Variants in DHODH observed in about 807,000 individuals in gnomAD.
The protein encoded by DHODH is dihydroorotate dehydrogenase (quinone), mitochondrial.
Under a neutral mutation model 39.7 loss-of-function variants are expected in DHODH, and 30 were observed. That is an observed-to-expected ratio of 0.76 (90% CI 0.57 to 1.02). The LOEUF is 1.02. Among genes scored for constraint, DHODH ranks in the 50% least tolerant of loss-of-function variants. DHODH has a pLI of 0.00. For missense variants in DHODH, 531 were observed against 520.8 expected (o/e 1.02, Z -0.19); for synonymous variants, 222 against 213.8 (o/e 1.04, Z -0.34).
Position 72,023,499 on chromosome 16 carries a change from T to C in DHODH, c.999T>C (p.Gly333=). 1 of 1,614,000 alleles carries C rather than the reference T, an allele frequency of 6.2e-7. No homozygotes were observed. The highest frequency in any genetic ancestry group is 8.5e-7 in the Non-Finnish European group (1 of 1,180,008). ...GCCGAGTTCCCATAATTGGGGTTGGTGGTGTGAGCAGCGGGCAGGACGCGC... is the reference window on the plus strand; with the variant it reads ...GCCGAGTTCCCATAATTGGGGTTGGCGGTGTGAGCAGCGGGCAGGACGCGC... ...TQGRVPIIGV[G]GVSSGQDALE... The change falls in exon 8 of 9, where the codon GGT becomes GGC. Residue 333 remains glycine (G), a synonymous_variant. Transcript: ENST00000219240.
intron 3 of DHODH, 79 bp from the exon 4 acceptor site, chr16:72,016,945 T>A (rs1202726269): frequency 1.5e-6 from 2 of 1,359,768 alleles, no homozygotes. Context: ...TTTTCTCTTG[T>A]TTGAAAAAGT....
intron 3 of DHODH, 58 bp from the exon 4 acceptor site, chr16:72,016,966 T>C (rs2041148124): frequency 2.0e-6 from 3 of 1,490,966 alleles, no homozygotes; most frequent in Non-Finnish European, 2.8e-6. Flanking sequence ...CCTAAGTGTA[T>C]GGGAAGTGGC....
chr16:72,020,997 G>A (rs1306067660), intron 4 of DHODH, 127 bp from the exon 5 acceptor site: 1 of 953,280 alleles, frequency 1.0e-6, no homozygotes, highest in African/African-American at 1.6e-5. Flanking sequence ...GTCAGCCGGT[G>A]TCGGGCAGGT....
chr16:72,023,102 G>A, intron 6 of DHODH, 63 bp from the exon 7 acceptor site: 1 of 1,596,244 alleles, frequency 6.3e-7, no homozygotes, highest in Non-Finnish European at 8.6e-7. Flanking sequence ...TCGACCTCCA[G>A]AGAAGCGCCT....
Position 72,023,215 on chromosome 16 carries a change from G to A in DHODH, c.870G>A (p.Ala290=), listed in dbSNP as rs760876164. Residue 290 remains alanine, a synonymous_variant, in exon 7 of 9, where the codon GCG becomes GCA. Coordinates refer to ENST00000219240, the MANE Select transcript of DHODH (RefSeq NM_001361.5). ...CGAACACCACCGTGAGTCGCCCTGC[G>A]GGCCTCCAGGGTGCCCTGCGCTCTG... ...IVTNTTVSRP[A]GLQGALRSET... 4.3e-6 allele frequency: 7 copies of A among 1,614,072 alleles called. No homozygotes were observed. The highest frequency in any genetic ancestry group is 1.6e-4 in the Middle Eastern group (1 of 6,084).
chr16:72,017,799 C>T (rs980297215), intron 4 of DHODH, among the ~76,000 whole-genome samples: 3 of 49,620 alleles, frequency 6.0e-5, no homozygotes, highest in Admixed American at 4.7e-4. Flanking sequence ...GAGACGGAGT[C>T]TCGCTCTGTC....
intron 7 of DHODH, 33 bp downstream of exon 7, chr16:72,023,351 G>C (rs1567574411): frequency 6.2e-6 from 10 of 1,614,072 alleles, no homozygotes; most frequent in Non-Finnish European, 7.6e-6. Context: ...CTTCAGATCT[G>C]CGTGTGGCTT....
At chr16:72,011,350 A>T (rs1418820614) in intron 1 of DHODH, among the ~76,000 whole-genome samples, 1 of 152,136 alleles carries the variant, frequency 6.6e-6, no homozygotes, top group African/African-American at 2.4e-5. Flanking sequence ...TGTGAAAACC[A>T]TGTAGAGGCT....
chr16:72,024,287 A>G lies in DHODH; in HGVS notation c.*88A>G. The G allele has an allele frequency of 7.1e-7, 1 of 1,417,426 alleles. No individual in the cohort carries two copies. Among genetic ancestry groups the G allele is most frequent in the South Asian group, 1.2e-5 (1 of 86,172 alleles). 87.8% of individuals were successfully genotyped at this position (1,417,426 alleles called of 1,614,324 possible). The stretch of plus-strand genomic sequence containing the variant: ...GCTGGATCATGAGAGGAGGGACTCC[A>G]TCTTGAGCCATGTCCCCCAGCCATG... On this transcript the variant is annotated 3_prime_UTR_variant, in exon 9 of 9. Coordinates refer to ENST00000219240, the MANE Select transcript of DHODH (RefSeq NM_001361.5).
Position 72,017,155 on chromosome 16 carries a change from C to T in DHODH, c.517+49C>T, listed in dbSNP as rs756481145. The T allele has an allele frequency of 8.2e-5, 128 of 1,565,764 alleles. 1 individual carries two copies. The highest frequency in any genetic ancestry group is 5.0e-5 in the Admixed American group (3 of 59,824). ...GCCTTTCTTATTTATTAGGAGGAAA[C>T]GTGGGAGAAATGCTGGGAACATTTC... On this transcript the variant is annotated intron_variant, in intron 4 of 8. Coordinates refer to ENST00000219240, the MANE Select transcript of DHODH (RefSeq NM_001361.5).
At chr16:72,014,984 G>A (rs1266199992) in intron 3 of DHODH, among the ~76,000 whole-genome samples, 1 of 152,172 alleles carries the variant, frequency 6.6e-6, no homozygotes, top group Non-Finnish European at 1.5e-5. Context: ...GAGAGTTTGT[G>A]CTCTGTCCAT....
At chr16:72,019,268 C>T (rs1021528023) in intron 4 of DHODH, among the ~76,000 whole-genome samples, 2 of 152,152 alleles carry the variant, frequency 1.3e-5, no homozygotes, top group African/African-American at 2.4e-5. Context: ...TAATTGGGTT[C>T]TGATCCCCTC....
chr16:72,025,085 A>C lies in DHODH; in HGVS notation c.*886A>C, dbSNP rs2041264853. On this transcript the variant is annotated 3_prime_UTR_variant, in exon 9 of 9. Transcript: ENST00000219240. Reference sequence around the variant, plus strand: ...CTGAGTCATTGGTGCCTTATTCTTCAGTGTTTCAGTCTGTATCTCCTAAGC... The same window carrying C: ...CTGAGTCATTGGTGCCTTATTCTTCCGTGTTTCAGTCTGTATCTCCTAAGC... The C allele has an allele frequency of 6.6e-6, 1 of 152,218 alleles. No individual in the cohort carries two copies. The highest frequency in any genetic ancestry group is 2.4e-5 in the African/African-American group (1 of 41,450). 9.4% of individuals were successfully genotyped at this position (152,218 alleles called of 1,614,324 possible). A position where few individuals can be genotyped will look rare whatever the true frequency, so the allele number is the denominator to read the frequency against.
chr16:72,017,585 A>T (rs1359780867), intron 4 of DHODH, among the ~76,000 whole-genome samples: 2 of 152,220 alleles, frequency 1.3e-5, no homozygotes, highest in Non-Finnish European at 2.9e-5. Flanking sequence ...AACTAATATT[A>T]GCATTTGGGA....
At chr16:72,017,638 G>C (rs1031295293) in intron 4 of DHODH, among the ~76,000 whole-genome samples, 1 of 152,016 alleles carries the variant, frequency 6.6e-6, no homozygotes, top group Non-Finnish European at 1.5e-5. Context: ...TTTTTGGTTC[G>C]GGACAGTTCA....
At chr16:72,015,967 AAAC>A in intron 3 of DHODH, 1 of 743,558 alleles carries the variant, frequency 1.3e-6, no homozygotes, top group Non-Finnish European at 1.6e-6. Context: ...AAAGTGGCTT[AAAC>A]AACAGGCACA....
intron 5 of DHODH, 108 bp from the exon 6 acceptor site, chr16:72,022,254 T>G: frequency 7.7e-6 from 6 of 781,694 alleles, no homozygotes; most frequent in Non-Finnish European, 1.1e-5. Flanking sequence ...TGTTTCTGCT[T>G]TAGTTTGATC....
At position 72,026,528 on chromosome 16, in the gene DHODH, A is replaced by G. The variant is rs1284213893; in HGVS notation, c.*2329A>G. 2 of 150,940 alleles carry G rather than the reference A, an allele frequency of 1.3e-5. No homozygotes were observed. The highest frequency in any genetic ancestry group is 2.9e-5 in the Non-Finnish European group (2 of 67,848). The allele number at this position is 150,940 out of a possible 1,614,324, so 9.4% of individuals were successfully genotyped here. Reference sequence around the variant, plus strand: ...CCAGAGTAGCTGGGACTACAGGTGCATGCCACTGTGCCCTGCTAATTTTTG... The same window carrying G: ...CCAGAGTAGCTGGGACTACAGGTGCGTGCCACTGTGCCCTGCTAATTTTTG... On this transcript the variant is annotated 3_prime_UTR_variant, in exon 9 of 9. Transcript: ENST00000219240.
chr16:72,020,209 G>A (rs1044308300), intron 4 of DHODH, among the ~76,000 whole-genome samples: 4 of 150,766 alleles, frequency 2.7e-5, no homozygotes, highest in African/African-American at 9.8e-5. Flanking sequence ...TCAGGGGACG[G>A]AGGTTGCAGT....
Sources: allele counts gnomAD v4.1 joint callset (sites outside exome capture counted in the v4.1 genomes callset), GRCh38; gene constraint gnomAD v4.1.1; transcripts MANE v1.5; gene names NCBI Gene and HGNC (gene_info 2026-07-23, HGNC 2026-07-21).